GNA11: variants seen among roughly 807,000 people sequenced by gnomAD.
GNA11 encodes the protein G protein subunit alpha 11.
A neutral mutation model predicts 38.2 loss-of-function variants in GNA11; 8 were observed. The observed-to-expected ratio is 0.21, with a 90% CI of 0.12 to 0.38. GNA11 has a LOEUF of 0.38. GNA11 is among the 10% of genes least tolerant of loss of function. The pLI is 1.00. For missense variants in GNA11, 268 were observed against 516.3 expected, an observed-to-expected ratio of 0.52 and a Z score of 4.66; for synonymous variants, 211 against 221.4, an observed-to-expected ratio of 0.95 and a Z score of 0.42.
At chr19:3,106,249 G>T (rs1292622090) in intron 1 of GNA11, among the ~76,000 whole-genome samples, 4 of 152,170 alleles carry the variant, frequency 2.6e-5, no homozygotes, top group Admixed American at 6.5e-5. Context: ...TCTCAGGCAG[G>T]ACCCAGGCAT....
intron 1 of GNA11, among the ~76,000 whole-genome samples, chr19:3,106,514 C>G (rs1352906279): frequency 6.6e-6 from 1 of 152,210 alleles, no homozygotes; most frequent in Non-Finnish European, 1.5e-5. Context: ...CCGGGGCCAC[C>G]TGGGCCTGGC....
At chr19:3,099,226 G>A (rs1192323280) in intron 1 of GNA11, among the ~76,000 whole-genome samples, 2 of 131,506 alleles carry the variant, frequency 1.5e-5, no homozygotes, top group Non-Finnish European at 3.4e-5. Flanking sequence ...GGGCCTGCTC[G>A]GCCCTACCCT....
intron 3 of GNA11, among the ~76,000 whole-genome samples, chr19:3,114,285 C>T (rs1339341923): frequency 6.6e-6 from 1 of 152,208 alleles, no homozygotes; most frequent in Non-Finnish European, 1.5e-5. Context: ...AGGCAGACCA[C>T]TCGAGGGGCG....
intron 4 of GNA11, among the ~76,000 whole-genome samples, chr19:3,115,686 C>T (rs897094505): frequency 9.5e-5 from 11 of 116,178 alleles, no homozygotes; most frequent in Non-Finnish European, 1.6e-4. Context: ...CCGCATGGTG[C>T]GGGAGGGGTC....
chr19:3,110,312 C>T lies in GNA11; in HGVS notation c.300C>T (p.Leu100=), dbSNP rs750706655. ...GGGCCATGGAGACGCTCAAGATCCT[C>T]TACAAGTACGAGCAGAACAAGGTGA... ...MIRAMETLKI[L]YKYEQNKANA... Residue 100 remains leucine, a synonymous_variant, in exon 2 of 7, where the codon CTC becomes CTT. Coordinates refer to ENST00000078429, the MANE Select transcript of GNA11 (RefSeq NM_002067.5). This position sits in a 1 kb window ranked among gnomAD's most constrained non-coding sequence, Gnocchi z 5.4. 54 of 1,613,790 alleles carry T rather than the reference C, an allele frequency of 3.3e-5. No individual in the cohort carries two copies. Among genetic ancestry groups the T allele is most frequent in the Non-Finnish European group, 4.2e-5 (49 of 1,179,876 alleles).
At chr19:3,107,687 C>G (rs1307076208) in intron 1 of GNA11, among the ~76,000 whole-genome samples, 1 of 152,062 alleles carries the variant, frequency 6.6e-6, no homozygotes, top group African/African-American at 2.4e-5. Flanking sequence ...CTGGCACTGT[C>G]TGGGGACATC....
At position 3,119,380 on chromosome 19, in the gene GNA11, G is replaced by A. The variant is rs377474215; in HGVS notation, c.889+21G>A. On this transcript the variant is annotated intron_variant, in intron 6 of 6. Transcript: ENST00000078429. This position sits in a 1 kb window ranked among gnomAD's most constrained non-coding sequence, Gnocchi z 4.6. ...CGATGGTGCGCCGGGCTGCGGCATG[G>A]GGAGGGGCTCGCGGGCAGGGCCTTA... 3 of 1,611,452 alleles carry A rather than the reference G, an allele frequency of 1.9e-6. No homozygotes were observed. In the African/African-American group the frequency reaches 4.0e-5, roughly 22 times the overall value.
In GNA11 at chr19:3,108,347, CT is replaced by C. The variant is rs553300090; in HGVS notation, c.137-1800del. Among the ~76,000 whole-genome samples, 223 of 152,296 alleles carry C rather than the reference CT, an allele frequency of 1.5e-3. 1 individual carries two copies. Among genetic ancestry groups the C allele is most frequent in the African/African-American group, 5.2e-3 (214 of 41,550 alleles). On this transcript the variant is annotated intron_variant, in intron 1 of 6. Coordinates refer to ENST00000078429, the MANE Select transcript of GNA11 (RefSeq NM_002067.5). This position sits in a 1 kb window ranked among gnomAD's most constrained non-coding sequence, Gnocchi z 4.5. ...TACCGGAGGGAGAGTTGTGTTGGGG[CT>C]TGGGGGCTTTCTAGAGCAGAGGCTG... is the stretch of plus-strand genomic sequence containing the variant.
Position 3,121,577 on chromosome 19 carries a change from G to A in GNA11, c.*398G>A, listed in dbSNP as rs377154610. On this transcript the variant is annotated 3_prime_UTR_variant, in exon 7 of 7. Transcript: ENST00000078429. ...GCCAGCCAGCATGGGGCCCCGCCCT[G>A]CAGCCAGTCACGCGCCCCCACACCG... is the stretch of plus-strand genomic sequence containing the variant. 8 of 234,862 alleles carry A rather than the reference G, an allele frequency of 3.4e-5. No individual in the cohort carries two copies. In the East Asian group the frequency reaches 4.2e-4, roughly 12 times the overall value. The allele number at this position is 234,862 out of a possible 1,614,324, so 14.5% of individuals were successfully genotyped here. A position where few individuals can be genotyped will look rare whatever the true frequency, so the allele number is the denominator to read the frequency against.
At chr19:3,107,520 G>C (rs547610967) in intron 1 of GNA11, among the ~76,000 whole-genome samples, 9 of 152,370 alleles carry the variant, frequency 5.9e-5, no homozygotes, top group Admixed American at 5.9e-4. Flanking sequence ...CTTGCAGTGT[G>C]TGCTGGTCTC....
rs932285006 is a variant in GNA11 at position 3,123,639 on chromosome 19, G to A, written c.*2460G>A. 7.7e-5 allele frequency: 18 copies of A among 233,056 alleles called. No homozygotes were observed. The highest frequency in any genetic ancestry group is 3.5e-4 in the African/African-American group (16 of 45,342). 14.4% of individuals were successfully genotyped at this position (233,056 alleles called of 1,614,324 possible). ...TGCAAACCCATGCCCTGGGTCCCCCGGCTCCCCCAGGGAGGCATCCCCGTG... is the reference window on the plus strand; with the variant it reads ...TGCAAACCCATGCCCTGGGTCCCCCAGCTCCCCCAGGGAGGCATCCCCGTG... On this transcript the variant is annotated 3_prime_UTR_variant, in exon 7 of 7. Transcript: ENST00000078429.
rs1568281355 is a variant in GNA11, at chr19:3,108,488, G to A, written c.137-1661G>A. Among the ~76,000 whole-genome samples the A allele has an allele frequency of 6.6e-6, 1 of 151,872 alleles. No homozygotes were observed. Among genetic ancestry groups the A allele is most frequent in the Non-Finnish European group, 1.5e-5 (1 of 67,978 alleles). On this transcript the variant is annotated intron_variant, in intron 1 of 6. Transcript: ENST00000078429. The surrounding 1 kb of genome is among the most constrained non-coding windows in gnomAD (Gnocchi z 4.5). ...ACGTGTGTGGAAGTGGGGAGGTGCC[G>A]GAAGATTCAGAGACACAGGGTGGTG...
At chr19:3,113,108 CG>C (rs1913815712) in intron 2 of GNA11, among the ~76,000 whole-genome samples, 2 of 152,214 alleles carry the variant, frequency 1.3e-5, no homozygotes, top group African/African-American at 4.8e-5. Flanking sequence ...ACCGCACCGC[CG>C]GGAGGCTTTG....
chr19:3,111,818 T>G (rs1046191488), intron 2 of GNA11, among the ~76,000 whole-genome samples: 2 of 152,182 alleles, frequency 1.3e-5, no homozygotes, highest in Non-Finnish European at 2.9e-5. Context: ...GTGGCCTCCC[T>G]GGGGCCTTTC....
intron 1 of GNA11, among the ~76,000 whole-genome samples, chr19:3,104,028 G>T (rs775848615): frequency 6.6e-6 from 1 of 152,148 alleles, no homozygotes; most frequent in African/African-American, 2.4e-5. Flanking sequence ...CACCATGTTG[G>T]CTAGGCTGGT....
chr19:3,113,077 G>A (rs1913814616), intron 2 of GNA11, among the ~76,000 whole-genome samples: 1 of 152,246 alleles, frequency 6.6e-6, no homozygotes, highest in Non-Finnish European at 1.5e-5. Flanking sequence ...ATCGAAGCCC[G>A]GCCTCCCCGG....
In GNA11 at chr19:3,113,423, C is replaced by G. The variant is rs2145318759; in HGVS notation, c.415C>G (p.Pro139Ala). ...VSAIKTLWEDPGIQECYDRRR... is the reference protein window; with the variant it reads ...VSAIKTLWEDAGIQECYDRRR... ...TGCCATCAAGACCCTGTGGGAGGAC[C>G]CGGGCATCCAGGAATGCTACGACCG... The change falls in exon 3 of 7, where the codon CCG becomes GCG. Residue 139 changes from proline (P) to alanine (A), a missense_variant. Transcript: ENST00000078429. 6.2e-7 allele frequency: 1 copy of G among 1,613,074 alleles called. No individual in the cohort carries two copies. Among genetic ancestry groups the G allele is most frequent in the Non-Finnish European group, 8.5e-7 (1 of 1,179,596 alleles).
At chr19:3,109,787 C>T (rs1017854801) in intron 1 of GNA11, among the ~76,000 whole-genome samples, 24 of 152,210 alleles carry the variant, frequency 1.6e-4, no homozygotes, top group East Asian at 1.2e-3. Flanking sequence ...CTGGCGTGAC[C>T]GTGGTGGAGC....
At chr19:3,113,300 T>G (rs1174871906) in intron 2 of GNA11, 30 bp from the exon 3 acceptor site, 1 of 1,607,350 alleles carries the variant, frequency 6.2e-7, no homozygotes, top group African/African-American at 1.4e-5. Context: ...CCCAGCGAGC[T>G]CTCGACGTCT....
Sources: gnomAD v4.1 joint callset for allele counts (sites outside exome capture counted in the v4.1 genomes callset) on GRCh38, gnomAD v4.1.1 for gene constraint, Gnocchi (gnomAD v3.1) non-coding constraint, MANE v1.5 for transcripts, NCBI Gene and HGNC (gene_info 2026-07-23, HGNC 2026-07-21) for gene names.